ITGB5: variants seen among roughly 807,000 people sequenced by gnomAD.
The protein encoded by ITGB5 is integrin beta-5.
ITGB5 carries 38 observed loss-of-function variants against 84.8 expected under a neutral mutation model. That is an observed-to-expected ratio of 0.45 (90% CI 0.35 to 0.59). The LOEUF is 0.59. Ranked by LOEUF, ITGB5 falls within the 20% of genes least tolerant of loss-of-function variation. ITGB5 has a pLI of 0.01. For missense variants in ITGB5, 905 were observed against 1,034.5 expected, an observed-to-expected ratio of 0.87 and a Z score of 1.72; for synonymous variants, 393 against 414.4, an observed-to-expected ratio of 0.95 and a Z score of 0.63.
intron 14 of ITGB5, among the ~76,000 whole-genome samples, chr3:124,764,106 G>A (rs1329492621): frequency 6.6e-6 from 1 of 152,138 alleles, no homozygotes; most frequent in Non-Finnish European, 1.5e-5. Flanking sequence ...TTTCCTGTTG[G>A]TCTGTGCTCT....
chr3:124,898,643 C>CAAAAAAAAAAAAAAAAAAA lies in ITGB5; in HGVS notation c.-255+2604_-255+2622dup, dbSNP rs68025034. 3.1e-4 allele frequency among the ~76,000 whole-genome samples: 9 copies of CAAAAAAAAAAAAAAAAAAA among 29,274 alleles called. 1 individual carries two copies. The highest frequency in any genetic ancestry group is 2.1e-3 in the South Asian group (1 of 482). 19.2% of individuals were successfully genotyped at this position (29,274 alleles called of 152,430 possible). On this transcript the variant is annotated intron_variant, in intron 1 of 4. Coordinates refer to the ITGB5 transcript ENST00000608657. ...TAGGCGACACAGCGAGACTCCGTCT[C>CAAAAAAAAAAAAAAAAAAA]AAAAAAAAAAAAAAAAAAAAAAAAA...
Position 124,796,560 on chromosome 3 carries a change from G to A in ITGB5, c.1521C>T (p.Ser507=), listed in dbSNP as rs768603511. The change falls in exon 10 of 15, where the codon AGC becomes AGT. Residue 507 remains serine (S), a synonymous_variant. Transcript: ENST00000296181. ...CCTCCCGGCACAGGTTCTGGTACAC[G>A]CTCTGGTTCTCCCCATCCTGGCACT... is the stretch of plus-strand genomic sequence containing the variant. ...RCECQDGENQ[S]VYQNLCREAE... 17 of 1,613,968 alleles carry A rather than the reference G, an allele frequency of 1.1e-5. No homozygotes were observed. Among genetic ancestry groups the A allele is most frequent in the South Asian group, 6.6e-5 (6 of 91,086 alleles).
At chr3:124,850,081 C>A (rs545220096) in intron 3 of ITGB5, among the ~76,000 whole-genome samples, 1 of 152,092 alleles carries the variant, frequency 6.6e-6, no homozygotes, top group African/African-American at 2.4e-5. Flanking sequence ...CTCAGAGCAA[C>A]CAGTCTTTCA....
At chr3:124,798,337 TACTGC>T (rs1458902308) in intron 9 of ITGB5, among the ~76,000 whole-genome samples, 2 of 152,016 alleles carry the variant, frequency 1.3e-5, no homozygotes, top group Non-Finnish European at 2.9e-5. Flanking sequence ...AGGTGTGAGC[TACTGC>T]GCCCAGTCAT....
At chr3:124,781,610 A>T (rs2064006835) in intron 10 of ITGB5, among the ~76,000 whole-genome samples, 1 of 152,214 alleles carries the variant, frequency 6.6e-6, no homozygotes, top group African/African-American at 2.4e-5. Context: ...CAAGGGCAAG[A>T]GAGAAGTTGC....
intron 9 of ITGB5, among the ~76,000 whole-genome samples, chr3:124,798,666 T>C (rs2064270736): frequency 6.6e-6 from 1 of 152,224 alleles, no homozygotes; most frequent in Non-Finnish European, 1.5e-5. Context: ...CCTGAAGTGA[T>C]CCACCCGCCT....
intron 5 of ITGB5, among the ~76,000 whole-genome samples, chr3:124,830,148 C>A (rs1191828790): frequency 2.0e-5 from 3 of 152,310 alleles, no homozygotes; most frequent in Admixed American, 2.0e-4. Context: ...AAGCTTCCAG[C>A]CTGTGGAGCA....
chr3:124,864,292 G>A (rs11706982), intron 2 of ITGB5, among the ~76,000 whole-genome samples: 1 of 151,440 alleles, frequency 6.6e-6, no homozygotes, highest in African/African-American at 2.4e-5. Flanking sequence ...ATTTTTAGTA[G>A]AGACAGGGTT....
intron 10 of ITGB5, among the ~76,000 whole-genome samples, chr3:124,774,686 A>C (rs2063897073): frequency 5.3e-5 from 8 of 152,244 alleles, no homozygotes. Context: ...CAGCCATAGC[A>C]GAAAACACGG....
chr3:124,852,214 C>T (rs2065167501), intron 3 of ITGB5, among the ~76,000 whole-genome samples: 4 of 152,120 alleles, frequency 2.6e-5, no homozygotes, highest in Admixed American at 1.3e-4. Context: ...GACACCATCC[C>T]GGCCCATGTG....
intron 5 of ITGB5, among the ~76,000 whole-genome samples, chr3:124,840,758 G>C (rs1035630371): frequency 1.3e-5 from 2 of 151,884 alleles, no homozygotes; most frequent in African/African-American, 4.8e-5. Flanking sequence ...TCCGCCTCCT[G>C]GTTCAAGCGA....
At chr3:124,766,077 GAAAA>G (rs1173636735) in intron 13 of ITGB5, 145 bp downstream of exon 13, 31 of 603,716 alleles carry the variant, frequency 5.1e-5, no homozygotes, top group Non-Finnish European at 6.1e-5. Context: ...AAAAAAAAAA[GAAAA>G]AGAAGAAATT....
chr3:124,764,212 ACT>A (rs1559917916), intron 14 of ITGB5, among the ~76,000 whole-genome samples, 177 bp downstream of exon 14: 6 of 152,048 alleles, frequency 3.9e-5, no homozygotes, highest in African/African-American at 1.4e-4. Flanking sequence ...TGTGCAGCTC[ACT>A]CTGCACTGGG....
rs2063894154 is a variant in ITGB5, at chr3:124,774,488, C to T, written c.1694-576G>A. 2.6e-5 allele frequency among the ~76,000 whole-genome samples: 4 copies of T among 151,998 alleles called. No individual in the cohort carries two copies. In the South Asian group the frequency reaches 8.3e-4, roughly 32 times the overall value. ...GGAGGATGCCAAGAGCCAAGGAATG[C>T]GAGGAATGCAGCTCTGGAGGCTGGA... On this transcript the variant is annotated intron_variant, in intron 10 of 14. Coordinates refer to ENST00000296181, the MANE Select transcript of ITGB5 (RefSeq NM_002213.5).
intron 3 of ITGB5, among the ~76,000 whole-genome samples, chr3:124,848,981 T>C (rs971220379): frequency 3.9e-5 from 6 of 152,188 alleles, no homozygotes; most frequent in African/African-American, 7.2e-5. Context: ...GGTTTCACTA[T>C]GTTGACCAGG....
At chr3:124,854,626 A>G (rs898133074) in intron 3 of ITGB5, among the ~76,000 whole-genome samples, 2 of 152,226 alleles carry the variant, frequency 1.3e-5, no homozygotes, top group Non-Finnish European at 2.9e-5. Flanking sequence ...TAGTTTAAGC[A>G]GTAACTGTTC....
intron 9 of ITGB5, among the ~76,000 whole-genome samples, chr3:124,803,083 A>G (rs2064341128): frequency 6.6e-6 from 1 of 152,230 alleles, no homozygotes; most frequent in Non-Finnish European, 1.5e-5. Context: ...CGAATGCTCT[A>G]AAAACCACTT....
intron 1 of ITGB5, among the ~76,000 whole-genome samples, chr3:124,897,870 A>G (rs1441771048): frequency 6.6e-6 from 1 of 152,180 alleles, no homozygotes; most frequent in East Asian, 1.9e-4. Flanking sequence ...CTTCCTAGAC[A>G]AGTAGCTCTT....
At chr3:124,849,501 T>G (rs1279097957) in intron 3 of ITGB5, among the ~76,000 whole-genome samples, 2 of 152,208 alleles carry the variant, frequency 1.3e-5, no homozygotes, top group Non-Finnish European at 2.9e-5. Context: ...GGGGGCATAT[T>G]TGATGTTTTG....
Sources: gnomAD v4.1 joint callset for allele counts (sites outside exome capture counted in the v4.1 genomes callset) on GRCh38, gnomAD v4.1.1 for gene constraint, MANE v1.5 for transcripts, NCBI Gene and HGNC (gene_info 2026-07-23, HGNC 2026-07-21) for gene names.